LSS: variants seen among roughly 807,000 people sequenced by gnomAD.
LSS encodes the protein lanosterol synthase, also known as 2,3-epoxysqualene-lanosterol cyclase.
Under a neutral mutation model 110.3 loss-of-function variants are expected in LSS, and 90 were observed. The observed-to-expected ratio is 0.82, with a 90% CI of 0.69 to 0.97. LSS has a LOEUF of 0.97. Among genes scored for constraint, LSS ranks in the 50% least tolerant of loss-of-function variants. The probability of loss-of-function intolerance (pLI) is 0.00; values close to 1 mark genes in which losing one functional copy is unlikely to be tolerated. For missense variants in LSS, 927 were observed against 990.0 expected (o/e 0.94, Z 0.85); for synonymous variants, 433 against 400.0 (o/e 1.08, Z -0.98).
chr21:46,218,633 C>G (rs141492746), intron 6 of LSS, among the ~76,000 whole-genome samples: 310 of 149,614 alleles, frequency 2.1e-3, no homozygotes, highest in African/African-American at 7.1e-3. Flanking sequence ...CAAAACAAAA[C>G]AAAAAAAACA....
In LSS at chr21:46,192,136, CCTT is replaced by C. The variant is rs2084845084; in HGVS notation, c.1989-180_1989-178del. ...GCCAGCGCCTCGGGCTCTTGCCACA[CCTT>C]CTTCCTAGGCTCCCTGAGAAGCGGA... On this transcript the variant is annotated intron_variant, in intron 20 of 21. Transcript: ENST00000397728. The C allele has an allele frequency of 1.1e-5, 7 of 633,260 alleles. No homozygotes were observed. In the East Asian group the frequency reaches 1.9e-4, roughly 17 times the overall value. The allele number at this position is 633,260 out of a possible 1,614,324, so 39.2% of individuals were successfully genotyped here. A position where few individuals can be genotyped will look rare whatever the true frequency, so the allele number is the denominator to read the frequency against.
At chr21:46,214,279 CCCA>C (rs1053850880) in intron 9 of LSS, among the ~76,000 whole-genome samples, 9 of 152,234 alleles carry the variant, frequency 5.9e-5, no homozygotes, top group Admixed American at 3.9e-4. Context: ...TCCAGAGGCC[CCCA>C]ACTTTTTACT....
chr21:46,189,180 T>C lies in LSS; in HGVS notation c.*1924A>G, dbSNP rs957323108. On this transcript the variant is annotated 3_prime_UTR_variant, in exon 22 of 22. Coordinates refer to ENST00000397728, the MANE Select transcript of LSS (RefSeq NM_002340.6). ...AAGGCAGATGCTCATAAAAGTGACT[T>C]TCAGTAACATTTTCAGTATAAAAAT... The C allele has an allele frequency of 1.2e-4, 27 of 219,232 alleles. No individual in the cohort carries two copies. The highest frequency in any genetic ancestry group is 3.8e-3 in the Middle Eastern group (2 of 532). The allele number at this position is 219,232 out of a possible 1,614,324, so 13.6% of individuals were successfully genotyped here.
chr21:46,215,215 C>A lies in LSS; in HGVS notation c.976G>T (p.Asp326Tyr). 1 of 1,611,054 alleles carries A rather than the reference C, an allele frequency of 6.2e-7. No individual in the cohort carries two copies. Among genetic ancestry groups the A allele is most frequent in the Non-Finnish European group, 8.5e-7 (1 of 1,179,912 alleles). ...VQKLYEHIVA[D>Y]DRFTKSISIG... is the part of the protein sequence containing the mutation. ...CTGATGCTCTTGGTGAATCGGTCGTCGGCCACAATGTGTTCATACAGCTTC... is the reference window on the plus strand; with the variant it reads ...CTGATGCTCTTGGTGAATCGGTCGTAGGCCACAATGTGTTCATACAGCTTC... The change falls in exon 9 of 22, where the codon GAC becomes TAC. Residue 326 changes from aspartate (D) to tyrosine (Y), a missense_variant. Coordinates refer to ENST00000397728, the MANE Select transcript of LSS (RefSeq NM_002340.6).
chr21:46,217,728 C>T (rs1327707248), intron 6 of LSS, among the ~76,000 whole-genome samples: 4 of 152,204 alleles, frequency 2.6e-5, no homozygotes, highest in African/African-American at 9.6e-5. Context: ...GCAGATGAGA[C>T]GCCCTCACCA....
chr21:46,206,001 G>A, intron 16 of LSS, 60 bp from the exon 17 acceptor site: 1 of 1,305,302 alleles, frequency 7.7e-7, no homozygotes, highest in South Asian at 1.3e-5. Context: ...AGGCTCTGCA[G>A]CTCAGGCAAA....
intron 18 of LSS, 24 bp downstream of exon 18, chr21:46,196,178 A>C: frequency 6.2e-7 from 1 of 1,611,358 alleles, no homozygotes. Context: ...GCATCTCTGC[A>C]CTCACGAGTG....
chr21:46,225,727 C>T (rs987864450), intron 3 of LSS, among the ~76,000 whole-genome samples: 9 of 152,236 alleles, frequency 5.9e-5, no homozygotes, highest in Non-Finnish European at 1.2e-4. Context: ...CTCTCTCCCA[C>T]TCTCTGCCTC....
chr21:46,212,476 C>G (rs1343803061), intron 11 of LSS, among the ~76,000 whole-genome samples: 1 of 152,212 alleles, frequency 6.6e-6, no homozygotes, highest in East Asian at 1.9e-4. Flanking sequence ...TCTACAGGGC[C>G]CCCAGAGCCA....
In LSS at chr21:46,209,133, G is replaced by A. The variant is rs999998409; in HGVS notation, c.1266+421C>T. Reference sequence around the variant, plus strand: ...TCTGTGGGCAGCTGATCTGGCAGGAGGGACCGGGGCTTTTGCTGCAAACAG... The same window carrying A: ...TCTGTGGGCAGCTGATCTGGCAGGAAGGACCGGGGCTTTTGCTGCAAACAG... On this transcript the variant is annotated intron_variant, in intron 13 of 21. Coordinates refer to ENST00000397728, the MANE Select transcript of LSS (RefSeq NM_002340.6). The surrounding 1 kb of genome is among the most constrained non-coding windows in gnomAD (Gnocchi z 4.4). 5.9e-5 allele frequency among the ~76,000 whole-genome samples: 9 copies of A among 152,188 alleles called. No homozygotes were observed. Among genetic ancestry groups the A allele is most frequent in the Non-Finnish European group, 1.3e-4 (9 of 68,026 alleles).
In LSS at chr21:46,228,729, C is replaced by T. The variant is rs1379397024; in HGVS notation, c.14+3G>A. The T allele has an allele frequency of 2.8e-5, 45 of 1,601,020 alleles. No individual in the cohort carries two copies. Among genetic ancestry groups the T allele is most frequent in the Non-Finnish European group, 3.6e-5 (43 of 1,178,836 alleles). ...GTCAGGAGCCCGGGGCGAGGGGACT[C>T]ACGTGCCCTCCGTCATTGCTGCTGC... On this transcript the variant is annotated splice_donor_region_variant and intron_variant, in intron 1 of 21. Transcript: ENST00000397728.
chr21:46,207,721 G>C, intron 14 of LSS, 144 bp from the exon 15 acceptor site: 1 of 950,760 alleles, frequency 1.1e-6, no homozygotes, highest in South Asian at 1.7e-5. Context: ...GGTGCAGCCA[G>C]GGCCCCAAGC....
At position 46,209,426 on chromosome 21, in the gene LSS, G is replaced by A. The variant is rs541030108; in HGVS notation, c.1266+128C>T. On this transcript the variant is annotated intron_variant, in intron 13 of 21. Transcript: ENST00000397728. This position sits in a 1 kb window ranked among gnomAD's most constrained non-coding sequence, Gnocchi z 4.4. ...GGGCTAGGGAGGGGATGGGAGGGTG[G>A]GGGTGACCTGAAACACCAGTGCAGG... 14 of 818,274 alleles carry A rather than the reference G, an allele frequency of 1.7e-5. No homozygotes were observed. Among genetic ancestry groups the A allele is most frequent in the Non-Finnish European group, 2.5e-5 (13 of 528,038 alleles). The allele number at this position is 818,274 out of a possible 1,614,324, so 50.7% of individuals were successfully genotyped here.
chr21:46,210,588 T>C, intron 12 of LSS, 100 bp downstream of exon 12: 1 of 1,157,180 alleles, frequency 8.6e-7, no homozygotes. Context: ...TATCGAGGAG[T>C]GGCAAGTGTG....
In LSS at chr21:46,213,749, C is replaced by G; in HGVS notation, c.1098G>C (p.Pro366=). ...CCAGCCACACTCACCAGAGATAGTC[C>G]GGGATTCTGGAGACATGCTCCTGGA... The part of the protein sequence containing the change: ...TAFQEHVSRI[P]DYLWMGLDGM... Residue 366 remains proline, a synonymous_variant, in exon 10 of 22, where the codon CCG becomes CCC. Transcript: ENST00000397728. 3.1e-6 allele frequency: 5 copies of G among 1,613,640 alleles called. No individual in the cohort carries two copies. Among genetic ancestry groups the G allele is most frequent in the Non-Finnish European group, 4.2e-6 (5 of 1,179,754 alleles).
intron 17 of LSS, among the ~76,000 whole-genome samples, chr21:46,196,823 T>G (rs76723404): frequency 0.04 from 6,167 of 152,312 alleles, 175 homozygotes; most frequent in Non-Finnish European, 0.063. Context: ...GCGACTCCCA[T>G]GGTGCTAGCA....
chr21:46,198,267 T>TA (rs34529498), intron 17 of LSS, among the ~76,000 whole-genome samples: 40 of 143,702 alleles, frequency 2.8e-4, no homozygotes, highest in South Asian at 6.7e-4. Flanking sequence ...CTGCGTCCCT[T>TA]AAAAAAAAAA....
intron 5 of LSS, 87 bp from the exon 6 acceptor site, chr21:46,219,659 G>C: frequency 2.6e-6 from 2 of 769,684 alleles, no homozygotes; most frequent in Non-Finnish European, 4.1e-6. Flanking sequence ...CACCCTCTGG[G>C]AGTCACGTGT....
In LSS at chr21:46,189,809, GCT is replaced by G. The variant is rs1264592610; in HGVS notation, c.*1293_*1294del. The G allele has an allele frequency of 2.3e-6, 1 of 440,590 alleles. No homozygotes were observed. Among genetic ancestry groups the G allele is most frequent in the East Asian group, 7.1e-5 (1 of 14,182 alleles). 27.3% of individuals were successfully genotyped at this position (440,590 alleles called of 1,614,324 possible). A position where few individuals can be genotyped will look rare whatever the true frequency, so the allele number is the denominator to read the frequency against. ...TGGGCAAGGCAGCAGGGGTAACGAA[GCT>G]CTCAGTGACTCCTCCCAGTAGCCAG... On this transcript the variant is annotated 3_prime_UTR_variant, in exon 22 of 22. Transcript: ENST00000397728.
Sources: gnomAD v4.1 joint callset for allele counts (sites outside exome capture counted in the v4.1 genomes callset) on GRCh38, gnomAD v4.1.1 for gene constraint, Gnocchi (gnomAD v3.1) non-coding constraint, MANE v1.5 for transcripts, NCBI Gene and HGNC (gene_info 2026-07-23, HGNC 2026-07-21) for gene names.